CCDC15: variants seen among roughly 807,000 people sequenced by gnomAD.
CCDC15 encodes coiled-coil domain containing 15, also known as coiled-coil domain-containing protein 15.
In CCDC15, 105 loss-of-function variants were observed where a neutral mutation model predicts 114.5. That is an observed-to-expected ratio of 0.92 (90% CI 0.78 to 1.08). CCDC15 has a LOEUF of 1.08. Ranked by LOEUF, CCDC15 falls within the 50% of genes least tolerant of loss-of-function variation. CCDC15 has a pLI of 0.00. For synonymous variants in CCDC15, 334 were observed against 377.8 expected (o/e 0.88, Z 1.34); for missense variants, 1,105 against 1,093.6 (o/e 1.01, Z -0.15).
intron 3 of CCDC15, 77 bp from the exon 4 acceptor site, chr11:124,959,732 TCTTCTG>T: frequency 6.6e-6 from 2 of 305,230 alleles, no homozygotes; most frequent in Non-Finnish European, 1.1e-5. Flanking sequence ...CAATTTAAAA[TCTTCTG>T]AACTGCTTTA....
intron 4 of CCDC15, among the ~76,000 whole-genome samples, chr11:124,962,245 G>T (rs1947675927): frequency 1.3e-5 from 2 of 152,158 alleles, no homozygotes. Context: ...TCTAGAACTG[G>T]TTGGGTAAAT....
Position 124,959,709 on chromosome 11 carries a change from C to T in CCDC15, c.328-106C>T, listed in dbSNP as rs1472899399. 17 of 728,314 alleles carry T rather than the reference C, an allele frequency of 2.3e-5. 1 individual carries two copies. The highest frequency in any genetic ancestry group is 7.3e-5 in the Admixed American group (2 of 27,444). 45.1% of individuals were successfully genotyped at this position (728,314 alleles called of 1,614,324 possible). ...TTCTCTGCCAGCTAAAGCCTCTCCC[C>T]TGCCCCCCACCCCAATTTAAAATCT... is the stretch of plus-strand genomic sequence containing the variant. On this transcript the variant is annotated intron_variant, in intron 3 of 15. Transcript: ENST00000344762.
In CCDC15 at chr11:124,954,358, G is replaced by A. The variant is rs1205839496; in HGVS notation, c.-22G>A. On this transcript the variant is annotated 5_prime_UTR_variant, in exon 1 of 16. Transcript: ENST00000344762. ...CCTATACCGATTATTGGGACTCTCG[G>A]CTGCAGACACAGGTCCCCGCCCCTC... 2 of 191,796 alleles carry A rather than the reference G, an allele frequency of 1.0e-5. No individual in the cohort carries two copies. The highest frequency in any genetic ancestry group is 1.8e-4 in the South Asian group (2 of 11,320). The allele number at this position is 191,796 out of a possible 1,614,324, so 11.9% of individuals were successfully genotyped here. A position where few individuals can be genotyped will look rare whatever the true frequency, so the allele number is the denominator to read the frequency against.
At chr11:125,009,781 C>T (rs189301087) in intron 13 of CCDC15, among the ~76,000 whole-genome samples, 3 of 152,100 alleles carry the variant, frequency 2.0e-5, no homozygotes, top group Admixed American at 6.6e-5. Flanking sequence ...TGTGTTAATT[C>T]GCTTAGGATA....
intron 9 of CCDC15, 114 bp downstream of exon 9, chr11:124,991,697 TTTTTCTGATGGAGTC>T (rs1390844187): frequency 1.9e-5 from 18 of 956,140 alleles, no homozygotes; most frequent in Non-Finnish European, 2.7e-5. Flanking sequence ...TATAGTGGCT[TTTTTCTGATGGAGTC>T]TTTCTCTGTC....
At chr11:125,003,600 C>A (rs1233977121) in intron 11 of CCDC15, among the ~76,000 whole-genome samples, 2 of 151,958 alleles carry the variant, frequency 1.3e-5, no homozygotes, top group East Asian at 3.8e-4. Flanking sequence ...AAAGAATTTT[C>A]ATTCTGAACA....
At chr11:124,978,125 A>G (rs1948006826) in intron 6 of CCDC15, among the ~76,000 whole-genome samples, 1 of 152,040 alleles carries the variant, frequency 6.6e-6, no homozygotes, top group South Asian at 2.1e-4. Flanking sequence ...CTGTTCATGA[A>G]TTAGTTTGCA....
intron 11 of CCDC15, among the ~76,000 whole-genome samples, chr11:124,996,612 C>T (rs750456502): frequency 1.3e-5 from 2 of 152,180 alleles, no homozygotes; most frequent in Admixed American, 6.5e-5. Context: ...TAAGTACACT[C>T]ACATTGTTGT....
In CCDC15 at chr11:124,987,679, C is replaced by T. The variant is rs901290365; in HGVS notation, c.1453C>T (p.His485Tyr). Residue 485 changes from histidine (H) to tyrosine (Y), a missense_variant, in exon 8 of 16, where the codon CAT becomes TAT. By Grantham distance (83) the His-to-Tyr change is moderately conservative. Coordinates refer to ENST00000344762, the MANE Select transcript of CCDC15 (RefSeq NM_025004.3). ...KDQNFLSRDQ[H>Y]VLPKDQDILP... ...CCAGAATTTTTTATCTAGAGACCAG[C>T]ATGTTCTCCCCAAAGACCAAGATAT... 6 of 1,613,718 alleles carry T rather than the reference C, an allele frequency of 3.7e-6. No homozygotes were observed. The highest frequency in any genetic ancestry group is 4.2e-6 in the Non-Finnish European group (5 of 1,179,818).
intron 14 of CCDC15, 106 bp from the exon 15 acceptor site, chr11:125,038,815 A>G (rs1317696248): frequency 2.2e-6 from 3 of 1,344,144 alleles, no homozygotes; most frequent in Admixed American, 4.1e-5. Context: ...GTCAAGGCCC[A>G]GAGATACGGA....
chr11:124,963,890 T>C (rs954390625), intron 4 of CCDC15, among the ~76,000 whole-genome samples: 5 of 152,178 alleles, frequency 3.3e-5, no homozygotes, highest in African/African-American at 1.2e-4. Context: ...CACCATTTAT[T>C]AATAGGGAAT....
intron 13 of CCDC15, among the ~76,000 whole-genome samples, chr11:125,033,253 C>T (rs1371350662): frequency 1.3e-5 from 2 of 152,198 alleles, no homozygotes; most frequent in African/African-American, 4.8e-5. Context: ...ATCAATTTCA[C>T]TTCTAGAAAC....
chr11:124,970,061 A>G (rs1194103566), intron 4 of CCDC15, among the ~76,000 whole-genome samples: 1 of 152,166 alleles, frequency 6.6e-6, no homozygotes, highest in Non-Finnish European at 1.5e-5. Context: ...GTAAACTAGT[A>G]TAGTTGGTCA....
In CCDC15 at chr11:124,975,181, A is replaced by G. The variant is rs748095245; in HGVS notation, c.602A>G (p.Asp201Gly). The change falls in exon 5 of 16, where the codon GAT (aspartate) becomes GGT (glycine). Residue 201 changes from aspartate (D) to glycine (G), a missense_variant. Coordinates refer to ENST00000344762, the MANE Select transcript of CCDC15 (RefSeq NM_025004.3). ...IKKKGSVFPD[D>G]GRKSFLTREE... Reference sequence around the variant, plus strand: ...AAAAAGGGATCAGTGTTTCCAGATGATGGAAGGAAAAGCTTTCTTACCAGA... The same window carrying G: ...AAAAAGGGATCAGTGTTTCCAGATGGTGGAAGGAAAAGCTTTCTTACCAGA... 4 of 1,595,546 alleles carry G rather than the reference A, an allele frequency of 2.5e-6. No individual in the cohort carries two copies. In the South Asian group the frequency reaches 3.4e-5, roughly 14 times the overall value.
chr11:125,011,239 A>ATTTTT (rs1398467750), intron 13 of CCDC15, among the ~76,000 whole-genome samples: 1 of 135,134 alleles, frequency 7.4e-6, no homozygotes. Context: ...TATTATTATT[A>ATTTTT]TTATTATTAT....
chr11:124,978,041 T>C (rs1180882993), intron 6 of CCDC15, among the ~76,000 whole-genome samples: 1 of 152,116 alleles, frequency 6.6e-6, no homozygotes, highest in Non-Finnish European at 1.5e-5. Flanking sequence ...GTGTCTGTTG[T>C]TTCCTTCTTT....
intron 11 of CCDC15, among the ~76,000 whole-genome samples, chr11:124,997,244 G>A (rs761315572): frequency 2.0e-5 from 3 of 152,158 alleles, no homozygotes; most frequent in Non-Finnish European, 4.4e-5. Context: ...ATGGATAGAG[G>A]TGAAGAATTT....
chr11:125,019,134 G>T (rs180847402), intron 13 of CCDC15, among the ~76,000 whole-genome samples: 1 of 151,968 alleles, frequency 6.6e-6, no homozygotes, highest in East Asian at 1.9e-4. Context: ...GGCATCATGG[G>T]GATAAGATGA....
intron 6 of CCDC15, among the ~76,000 whole-genome samples, chr11:124,978,813 T>G (rs1199343520): frequency 9.6e-6 from 1 of 104,692 alleles, no homozygotes; most frequent in Non-Finnish European, 1.9e-5. Context: ...TAGATCCCAT[T>G]TGTCATTTTT....
Sources: gnomAD v4.1 joint callset for allele counts (sites outside exome capture counted in the v4.1 genomes callset) on GRCh38, gnomAD v4.1.1 for gene constraint, MANE v1.5 for transcripts, NCBI Gene and HGNC (gene_info 2026-07-23, HGNC 2026-07-21) for gene names.